The following PITRM1 variants were observed in gnomAD, a reference collection of about 807,000 sequenced individuals.
PITRM1 encodes the protein pitrilysin metallopeptidase 1.
Under a neutral mutation model 129.9 loss-of-function variants are expected in PITRM1, and 100 were observed. The observed-to-expected ratio is 0.77, with a 90% CI of 0.65 to 0.91. The LOEUF is 0.91. PITRM1 is among the 40% of genes least tolerant of loss of function. PITRM1 has a pLI of 0.00. For synonymous variants in PITRM1, 591 were observed against 508.8 expected, an observed-to-expected ratio of 1.16 and a Z score of -2.17; for missense variants, 1,471 against 1,318.3, an observed-to-expected ratio of 1.12 and a Z score of -1.79.
Position 3,156,974 on chromosome 10 carries a change from C to G in PITRM1, c.1438G>C (p.Glu480Gln), listed in dbSNP as rs746096088. The G allele has an allele frequency of 8.7e-6, 14 of 1,604,090 alleles. No individual in the cohort carries two copies. In the South Asian group the frequency reaches 1.6e-4, roughly 18 times the overall value. ...QLAKFRQCLQ[E>Q]NPKFLQEKVK... ...TTTTCTTGCAAAAATTTTGGATTTT[C>G]CTGCAGGCACTGTCTGAATTTAGCT... Residue 480 changes from glutamate to glutamine, a missense_variant, in exon 13 of 27, where the codon GAA (glutamate) becomes CAA (glutamine). By Grantham distance (29) the Glu-to-Gln change is conservative. Transcript: ENST00000224949.
chr10:3,148,361 T>A lies in PITRM1; in HGVS notation c.1872-70A>T, dbSNP rs1206332503. ...ACTGAATCATTTTTAAAATCGTGCA[T>A]CTTGAGTTACAAGTTGCTTCCATTA... On this transcript the variant is annotated intron_variant, in intron 16 of 26. Coordinates refer to ENST00000224949, the MANE Select transcript of PITRM1 (RefSeq NM_014889.4). The A allele has an allele frequency of 1.1e-5, 16 of 1,509,644 alleles. No homozygotes were observed. The Admixed American group carries it at 3.4e-4, about 32-fold the overall frequency. 93.5% of individuals were successfully genotyped at this position (1,509,644 alleles called of 1,614,324 possible). A position where few individuals can be genotyped will look rare whatever the true frequency, so the allele number is the denominator to read the frequency against.
chr10:3,160,269 G>A lies in PITRM1; in HGVS notation c.853C>T (p.Leu285=). The part of the protein sequence containing the change: ...QHLKQIHEEA[L]SKFQKIEPST... The stretch of plus-strand genomic sequence containing the variant: ...GGTTCAATTTTCTGGAATTTGCTCA[G>A]TGCTTCCTCGTGAATTTGTTTCAGA... Residue 285 remains leucine (L), a synonymous_variant, in exon 8 of 27, where the codon CTG becomes TTG. Coordinates refer to ENST00000224949, the MANE Select transcript of PITRM1 (RefSeq NM_014889.4). 6.2e-7 allele frequency: 1 copy of A among 1,613,718 alleles called. No individual in the cohort carries two copies. Among genetic ancestry groups the A allele is most frequent in the Non-Finnish European group, 8.5e-7 (1 of 1,179,642 alleles).
intron 1 of PITRM1, among the ~76,000 whole-genome samples, chr10:3,171,716 G>A (rs1843377900): frequency 6.6e-6 from 1 of 152,092 alleles, no homozygotes; most frequent in East Asian, 1.9e-4. Context: ...TGGGATTACA[G>A]GTGTGAGCCA....
chr10:3,147,295 A>G, intron 19 of PITRM1, 45 bp from the exon 20 acceptor site: 1 of 1,365,774 alleles, frequency 7.3e-7, no homozygotes. Context: ...AGGCTACAAC[A>G]GACCCGCTGA....
chr10:3,166,051 C>T (rs904443328), intron 4 of PITRM1, among the ~76,000 whole-genome samples, 178 bp downstream of exon 4: 1 of 152,194 alleles, frequency 6.6e-6, no homozygotes, highest in Non-Finnish European at 1.5e-5. Flanking sequence ...TACAATCTCG[C>T]TACCATGTGG....
Position 3,165,436 on chromosome 10 carries a change from TG to T in PITRM1, c.509del (p.Pro170HisfsTer37). On this transcript the variant is annotated frameshift_variant, in exon 5 of 27. Transcript: ENST00000224949. LOFTEE classifies it high-confidence loss of function. ...ACCAGAAATCCAGCTCGCGTAAACA[TG>T]GGAAAAAGGTGGCATCCAAATACAC... Reference protein sequence around the residue: ...LSVYLDATFFPCLRELDFWQE... With the variant: ...LSVYLDATFFXCLRELDFWQE... The T allele has an allele frequency of 6.2e-7, 1 of 1,613,086 alleles. No homozygotes were observed.
At position 3,170,888 on chromosome 10, in the gene PITRM1, G is replaced by A. The variant is rs143563333; in HGVS notation, c.57-682C>T. 4.9e-3 allele frequency among the ~76,000 whole-genome samples: 747 copies of A among 151,954 alleles called. 7 individuals are homozygous for A. Among genetic ancestry groups the A allele is most frequent in the African/African-American group, 0.017 (702 of 41,412 alleles). On this transcript the variant is annotated intron_variant, in intron 1 of 26. Coordinates refer to ENST00000224949, the MANE Select transcript of PITRM1 (RefSeq NM_014889.4). ...TGAGGCAGGAGAATCGCTTGAACCC[G>A]GGAAGTGGAGGCTGCAGTGGGCCGA...
chr10:3,170,034 C>G (rs140851983), intron 2 of PITRM1, 70 bp downstream of exon 2: 2 of 1,182,704 alleles, frequency 1.7e-6, no homozygotes, highest in East Asian at 2.3e-5. Context: ...TGAAGGGCTC[C>G]GTACATAGGC....
chr10:3,140,811 G>A lies in PITRM1; in HGVS notation c.2647C>T (p.Leu883Phe), dbSNP rs71477812. 8.3e-3 allele frequency: 13,088 copies of A among 1,575,590 alleles called. 67 individuals carry two copies. The highest frequency in any genetic ancestry group is 8.9e-3 in the Non-Finnish European group (10,311 of 1,158,228). ...GTCATCAAACGTGCAAGGATTTTAAGACTGAAATGATTAAAAAATGCAAGT... is the reference window on the plus strand; with the variant it reads ...GTCATCAAACGTGCAAGGATTTTAAAACTGAAATGATTAAAAAATGCAAGT... Reference protein sequence around the residue: ...VPYTDPDHASLKILARLMTAK... With the variant: ...VPYTDPDHASFKILARLMTAK... The change falls in exon 24 of 27, where the codon CTT becomes TTT. Residue 883 changes from leucine (L) to phenylalanine (F), a missense_variant and splice_region_variant. Coordinates refer to ENST00000224949, the MANE Select transcript of PITRM1 (RefSeq NM_014889.4).
At chr10:3,166,903 T>C (rs755840722) in intron 3 of PITRM1, 33 bp downstream of exon 3, 8 of 1,279,888 alleles carry the variant, frequency 6.3e-6, no homozygotes, top group South Asian at 1.3e-5. Flanking sequence ...AATAAAAACA[T>C]TCAAGACCAT....
chr10:3,166,387 A>AATAGAG lies in PITRM1; in HGVS notation c.267-8_267-7insCTCTAT. On this transcript the variant is annotated splice_region_variant and splice_polypyrimidine_tract_variant and intron_variant, in intron 3 of 26. Transcript: ENST00000224949. ...AGTAGTACGGAACTGCACGCTAGGG[A>AATAGAG]AGGAGAATGACCAGAACGCAAAAGG... 1.3e-6 allele frequency: 2 copies of AATAGAG among 1,505,942 alleles called. No homozygotes were observed. The highest frequency in any genetic ancestry group is 1.8e-6 in the Non-Finnish European group (2 of 1,088,482). 93.3% of individuals were successfully genotyped at this position (1,505,942 alleles called of 1,614,324 possible). A position where few individuals can be genotyped will look rare whatever the true frequency, so the allele number is the denominator to read the frequency against.
At chr10:3,140,032 A>C (rs1588622938) in intron 24 of PITRM1, among the ~76,000 whole-genome samples, 3 of 152,340 alleles carry the variant, frequency 2.0e-5, no homozygotes, top group Admixed American at 2.0e-4. Context: ...CAGGACCCCC[A>C]CGGCAGGGCT....
intron 2 of PITRM1, among the ~76,000 whole-genome samples, chr10:3,168,415 G>C (rs942483553): frequency 6.6e-6 from 1 of 151,842 alleles, no homozygotes; most frequent in East Asian, 1.9e-4. Context: ...ATGACTTATC[G>C]TAAGTTTCTA....
At chr10:3,158,814 G>A (rs1169811223) in intron 10 of PITRM1, 100 bp downstream of exon 10, 2 of 1,146,412 alleles carry the variant, frequency 1.7e-6, no homozygotes, top group African/African-American at 1.5e-5. Context: ...AAATGTTCCA[G>A]ACACTGTCAA....
At chr10:3,151,816 GC>G (rs1841544866) in intron 14 of PITRM1, among the ~76,000 whole-genome samples, 2 of 152,304 alleles carry the variant, frequency 1.3e-5, no homozygotes, top group South Asian at 4.1e-4. Context: ...GCTCACTGCA[GC>G]CTCTGCCTCC....
intron 2 of PITRM1, among the ~76,000 whole-genome samples, chr10:3,168,876 C>T (rs1361112491): frequency 1.6e-5 from 2 of 121,580 alleles, no homozygotes; most frequent in African/African-American, 6.1e-5. Context: ...TGCTTGAACC[C>T]AGGAGTTTGA....
intron 25 of PITRM1, chr10:3,138,560 C>T (rs1295745603): frequency 9.9e-6 from 6 of 608,014 alleles, no homozygotes; most frequent in Admixed American, 5.5e-5. Context: ...GGGATGCAGT[C>T]AGCGCCGCGT....
intron 7 of PITRM1, among the ~76,000 whole-genome samples, chr10:3,160,959 C>G (rs768724655): frequency 1.3e-5 from 2 of 152,146 alleles, no homozygotes; most frequent in Non-Finnish European, 2.9e-5. Flanking sequence ...TAGGGTTTCA[C>G]CATGTTGGTT....
rs1034644254 is a variant in PITRM1 at position 3,149,664 on chromosome 10, C to A, written c.1828G>T (p.Glu610Ter). 3 of 1,604,094 alleles carry A rather than the reference C, an allele frequency of 1.9e-6. No homozygotes were observed. The highest frequency in any genetic ancestry group is 1.7e-6 in the Non-Finnish European group (2 of 1,176,350). The change falls in exon 16 of 27, where the codon GAG becomes TAG. Residue 610 changes from glutamate to a stop codon, truncating the protein, a stop_gained. Coordinates refer to ENST00000224949, the MANE Select transcript of PITRM1 (RefSeq NM_014889.4). LOFTEE classifies it high-confidence loss of function. ...AAGAGGGGCACATAGGGCCTCAGCT[C>A]CTCGGGGAGTGTGTTCAGGCTGGAG... The part of the protein sequence containing the change: ...AFSSLNTLPE[E>*]LRPYVPLFCS...
Sources: gnomAD v4.1 joint callset for allele counts (sites outside exome capture counted in the v4.1 genomes callset) on GRCh38, gnomAD v4.1.1 for gene constraint, MANE v1.5 for transcripts, NCBI Gene and HGNC (gene_info 2026-07-23, HGNC 2026-07-21) for gene names.